Variants in ZNF398 observed in about 807,000 individuals in gnomAD.
ZNF398 encodes zinc finger protein 398, also known as zinc finger DNA binding protein ZER6.
Under a neutral mutation model 41.9 loss-of-function variants are expected in ZNF398, and 18 were observed. The ratio of observed to expected loss-of-function variants is 0.43; its 90% CI spans 0.30 to 0.64. ZNF398 has a LOEUF of 0.64. Ranked by LOEUF, ZNF398 falls within the 30% of genes least tolerant of loss-of-function variation. ZNF398 has a pLI of 0.14. For synonymous variants in ZNF398, 260 were observed against 308.8 expected, an observed-to-expected ratio of 0.84 and a Z score of 1.66; for missense variants, 669 against 822.8, an observed-to-expected ratio of 0.81 and a Z score of 2.29.
Position 149,138,932 on chromosome 7 carries a change from A to G in ZNF398, c.-490+9988A>G, listed in dbSNP as rs994286873. ...GCCCAGCTAATTTTTTTTTTTTTTG[A>G]GACGGAGTCTTGTTCTGTCACCAGG... On this transcript the variant is annotated intron_variant, in intron 2 of 6. Transcript: ENST00000426851. 2.2e-4 allele frequency among the ~76,000 whole-genome samples: 21 copies of G among 96,176 alleles called. No homozygotes were observed. In the Admixed American group the frequency reaches 2.3e-3, roughly 11 times the overall value. The allele number at this position is 96,176 out of a possible 152,430, so 63.1% of individuals were successfully genotyped here. A position where few individuals can be genotyped will look rare whatever the true frequency, so the allele number is the denominator to read the frequency against.
At chr7:149,158,809 G>A (rs1251897779) in intron 2 of ZNF398, among the ~76,000 whole-genome samples, 1 of 147,458 alleles carries the variant, frequency 6.8e-6, no homozygotes, top group Non-Finnish European at 1.5e-5. Context: ...ACTCCAGCCT[G>A]GGTGACAGAG....
At chr7:149,177,786 C>T (rs1472178388) in intron 5 of ZNF398, among the ~76,000 whole-genome samples, 1 of 152,120 alleles carries the variant, frequency 6.6e-6, no homozygotes, top group Non-Finnish European at 1.5e-5. Context: ...GTGAAAGTAA[C>T]GTTGGGAAGA....
intron 4 of ZNF398, 105 bp from the exon 5 acceptor site, chr7:149,176,363 G>A: frequency 2.4e-6 from 2 of 822,062 alleles, no homozygotes; most frequent in Non-Finnish European, 4.1e-6. Context: ...AAAAAAGAAA[G>A]GAAAAATATT....
At position 149,126,514 on chromosome 7, in the gene ZNF398, C is replaced by T. The variant is rs1585495649; in HGVS notation, c.-753C>T. ...CTCCCGGATCTGCATGCGAGGGATG[C>T]GGTCGAAGACGAGATGAGGGAGCTG... On this transcript the variant is annotated 5_prime_UTR_variant, in exon 1 of 7. Coordinates refer to the ZNF398 transcript ENST00000426851. The T allele has an allele frequency of 1.6e-5, 8 of 491,022 alleles. No homozygotes were observed. The East Asian group carries it at 2.7e-4, about 16-fold the overall frequency. The allele number at this position is 491,022 out of a possible 1,614,324, so 30.4% of individuals were successfully genotyped here. A position where few individuals can be genotyped will look rare whatever the true frequency, so the allele number is the denominator to read the frequency against.
Position 149,181,761 on chromosome 7 carries a change from G to C in ZNF398, c.*1960G>C, listed in dbSNP as rs1441892481. 6.6e-6 allele frequency: 1 copy of C among 152,162 alleles called. No homozygotes were observed. Among genetic ancestry groups the C allele is most frequent in the East Asian group, 1.9e-4 (1 of 5,200 alleles). The allele number at this position is 152,162 out of a possible 1,614,324, so 9.4% of individuals were successfully genotyped here. A position where few individuals can be genotyped will look rare whatever the true frequency, so the allele number is the denominator to read the frequency against. On this transcript the variant is annotated 3_prime_UTR_variant, in exon 6 of 6. Coordinates refer to ENST00000475153, the MANE Select transcript of ZNF398 (RefSeq NM_170686.3). ...AATAATACAGAACAAGACATGATGG[G>C]CAATACCCTAGCATATTGGGATTAA...
chr7:149,128,962 G>A (rs1826543295), intron 2 of ZNF398: 1 of 151,174 alleles, frequency 6.6e-6, no homozygotes, highest in South Asian at 2.1e-4. Flanking sequence ...CCACCACATT[G>A]GGCTAATTTT....
upstream of ZNF398, among the ~76,000 whole-genome samples, chr7:149,142,853 A>AACGGAACGC (rs1304906948): frequency 6.6e-5 from 10 of 152,218 alleles, no homozygotes; most frequent in Non-Finnish European, 1.3e-4. Context: ...AAAATCAGTA[A>AACGGAACGC]ACGGAAACGC....
At chr7:149,156,252 A>G (rs1794974355) in intron 2 of ZNF398, among the ~76,000 whole-genome samples, 1 of 151,938 alleles carries the variant, frequency 6.6e-6, no homozygotes, top group African/African-American at 2.4e-5. Context: ...CACGCCTGTA[A>G]TCCCACCACT....
chr7:149,178,870 C>T lies in ZNF398; in HGVS notation c.998C>T (p.Pro333Leu), dbSNP rs1795527334. 1 of 1,614,070 alleles carries T rather than the reference C, an allele frequency of 6.2e-7. No individual in the cohort carries two copies. The highest frequency in any genetic ancestry group is 8.5e-7 in the Non-Finnish European group (1 of 1,179,950). Residue 333 changes from proline to leucine, a missense_variant, in exon 6 of 6, where the codon CCC (proline) becomes CTC (leucine). By Grantham distance (98) the Pro-to-Leu change is moderately conservative. Around this residue, in one of 3 missense-constraint regions of ZNF398, gnomAD observed 290 missense variants for 292.9 expected, o/e 0.99. Coordinates refer to ENST00000475153, the MANE Select transcript of ZNF398 (RefSeq NM_170686.3). ...ACTTTTACTCAGTTGGGTAGCTATC[C>T]CCTCCCACCTCCAGTTGGCGAGCAG... ...QVTFTQLGSY[P>L]LPPPVGEQVF...
chr7:149,178,221 G>A (rs1043280102), intron 5 of ZNF398, among the ~76,000 whole-genome samples: 12 of 151,956 alleles, frequency 7.9e-5, no homozygotes, highest in Non-Finnish European at 1.8e-4. Flanking sequence ...GAACCCGGGA[G>A]GCGGAGCTTG....
upstream of ZNF398, among the ~76,000 whole-genome samples, chr7:149,146,687 TA>T (rs918364019): frequency 1.5e-3 from 215 of 143,380 alleles, no homozygotes; most frequent in Admixed American, 1.5e-3. Flanking sequence ...CGTCTCCACT[TA>T]AAAAAAAAAA....
chr7:149,178,750 T>C lies in ZNF398; in HGVS notation c.878T>C (p.Phe293Ser), dbSNP rs1383283424. ...SSPPAAAKDAFSDVAFKSQQS... is the reference protein window; with the variant it reads ...SSPPAAAKDASSDVAFKSQQS... ...CCACCAGCAGCAGCAAAGGATGCTT[T>C]TTCAGATGTGGCTTTCAAAAGCCAG... is the stretch of plus-strand genomic sequence containing the variant. Residue 293 changes from phenylalanine to serine, a missense_variant, in exon 6 of 6, where the codon TTT (phenylalanine) becomes TCT (serine). By Grantham distance (155) the Phe-to-Ser change is radical. Coordinates refer to ENST00000475153, the MANE Select transcript of ZNF398 (RefSeq NM_170686.3). The C allele has an allele frequency of 2.5e-6, 4 of 1,614,228 alleles. No homozygotes were observed. Among genetic ancestry groups the C allele is most frequent in the Non-Finnish European group, 2.5e-6 (3 of 1,180,044 alleles).
exon 1 of ZNF398, chr7:149,126,434 G>T (rs1826478288): frequency 2.5e-6 from 2 of 794,612 alleles, no homozygotes. Flanking sequence ...CAGAGGAGGG[G>T]CCCGGGCACC....
At chr7:149,169,905 C>G (rs1795297189) in intron 4 of ZNF398, among the ~76,000 whole-genome samples, 1 of 152,176 alleles carries the variant, frequency 6.6e-6, no homozygotes, top group African/African-American at 2.4e-5. Flanking sequence ...AAAGTAATAT[C>G]AGCAAAGGGA....
At chr7:149,146,586 C>A (rs1402915426), upstream of ZNF398, among the ~76,000 whole-genome samples, 4 of 151,612 alleles carry the variant, frequency 2.6e-5, no homozygotes, top group Non-Finnish European at 5.9e-5. Context: ...CAATGGCTCA[C>A]GCTTGTAATC....
chr7:149,155,723 T>A (rs866336654), intron 2 of ZNF398, among the ~76,000 whole-genome samples: 5,816 of 43,118 alleles, frequency 0.13, 383 homozygotes, highest in African/African-American at 0.26. Flanking sequence ...TTTTTTTTTT[T>A]TTTTTTAATT....
chr7:149,175,343 C>CAA (rs879598784), intron 4 of ZNF398, among the ~76,000 whole-genome samples: 1 of 134,784 alleles, frequency 7.4e-6, no homozygotes, highest in East Asian at 2.1e-4. Context: ...CCATTTAGTC[C>CAA]AAAAAAAAAA....
intron 4 of ZNF398, among the ~76,000 whole-genome samples, chr7:149,171,860 G>A (rs1484632286): frequency 6.6e-6 from 1 of 151,908 alleles, no homozygotes; most frequent in African/African-American, 2.4e-5. Context: ...ATAGAGATGG[G>A]GTATAGCCAT....
chr7:149,129,258 A>C (rs1435019106), intron 2 of ZNF398, among the ~76,000 whole-genome samples: 4 of 152,120 alleles, frequency 2.6e-5, no homozygotes, highest in Non-Finnish European at 5.9e-5. Flanking sequence ...TGAGATTTTT[A>C]TAGTTTGTAG....
Sources: gnomAD v4.1 joint callset for allele counts (sites outside exome capture counted in the v4.1 genomes callset) on GRCh38, gnomAD v4.1.1 for gene constraint, gnomAD v4.1.1 regional missense constraint, MANE v1.5 for transcripts, NCBI Gene and HGNC (gene_info 2026-07-23, HGNC 2026-07-21) for gene names.